The following MACROD2 variants were observed in gnomAD, a reference collection of about 807,000 sequenced individuals.
MACROD2 encodes the protein ADP-ribose glycohydrolase MACROD2.
Under a neutral mutation model 70.4 loss-of-function variants are expected in MACROD2, and 36 were observed. The ratio of observed to expected loss-of-function variants is 0.51; its 90% CI spans 0.39 to 0.68. The LOEUF (loss-of-function observed/expected upper bound fraction) is 0.68, where lower values mean the gene tolerates loss of function less well. MACROD2 is among the 30% of genes least tolerant of loss of function. The probability of loss-of-function intolerance (pLI) is 0.00; values close to 1 mark genes in which losing one functional copy is unlikely to be tolerated. For missense variants in MACROD2, 496 were observed against 538.4 expected (o/e 0.92, Z 0.78); for synonymous variants, 172 against 178.8 (o/e 0.96, Z 0.30).
intron 8 of MACROD2, among the ~76,000 whole-genome samples, chr20:15,641,419 A>G (rs899304061): frequency 6.6e-6 from 1 of 152,198 alleles, no homozygotes; most frequent in Admixed American, 6.5e-5. Flanking sequence ...AATTGGTAAA[A>G]GATTCATGCC....
At chr20:15,981,685 G>C (rs750960877) in intron 13 of MACROD2, among the ~76,000 whole-genome samples, 1 of 152,166 alleles carries the variant, frequency 6.6e-6, no homozygotes, top group Non-Finnish European at 1.5e-5. Flanking sequence ...CTGAAATACT[G>C]GTTCTGGAGA....
At chr20:15,221,619 C>T (rs2076862322) in intron 5 of MACROD2, among the ~76,000 whole-genome samples, 1 of 152,200 alleles carries the variant, frequency 6.6e-6, no homozygotes, top group African/African-American at 2.4e-5. Flanking sequence ...TCAACAAGGT[C>T]AGTCTCAAAT....
intron 7 of MACROD2, among the ~76,000 whole-genome samples, chr20:15,461,008 T>TATATATATA (rs1568825308): frequency 1.5e-5 from 1 of 67,646 alleles, no homozygotes; most frequent in African/African-American, 4.3e-5. Flanking sequence ...ATATATATAT[T>TATATATATA]TTTTTTTAAT....
intron 3 of MACROD2, among the ~76,000 whole-genome samples, chr20:14,297,835 A>G (rs1042288649): frequency 1.3e-5 from 2 of 151,942 alleles, no homozygotes; most frequent in Non-Finnish European, 2.9e-5. Context: ...GCTGCCATCT[A>G]GGACTTTCAT....
At chr20:15,883,486 A>G (rs1038538428) in intron 9 of MACROD2, among the ~76,000 whole-genome samples, 1 of 152,128 alleles carries the variant, frequency 6.6e-6, no homozygotes, top group African/African-American at 2.4e-5. Context: ...AAATATTTCC[A>G]TGGTAAAAAA....
At chr20:14,452,368 T>C (rs2084254764) in intron 3 of MACROD2, among the ~76,000 whole-genome samples, 1 of 152,134 alleles carries the variant, frequency 6.6e-6, no homozygotes, top group Non-Finnish European at 1.5e-5. Flanking sequence ...TGATAGTGTT[T>C]CTCATAGTTA....
At chr20:14,071,285 G>A (rs2053837658) in intron 2 of MACROD2, among the ~76,000 whole-genome samples, 1 of 91,424 alleles carries the variant, frequency 1.1e-5, no homozygotes, top group Non-Finnish European at 2.0e-5. Context: ...TTTTGAGATG[G>A]AGTCTTGCTC....
At chr20:14,407,122 A>AG (rs2083698736) in intron 3 of MACROD2, among the ~76,000 whole-genome samples, 1 of 151,170 alleles carries the variant, frequency 6.6e-6, no homozygotes, top group East Asian at 1.9e-4. Flanking sequence ...GTGGCAATGA[A>AG]AAAAAAAACA....
chr20:14,537,419 T>A (rs2085379625), intron 4 of MACROD2, among the ~76,000 whole-genome samples: 1 of 152,166 alleles, frequency 6.6e-6, no homozygotes, highest in African/African-American at 2.4e-5. Context: ...GACAGGGAAG[T>A]TGAGTATTTG....
chr20:14,862,018 T>G (rs927099264), intron 5 of MACROD2, among the ~76,000 whole-genome samples: 1 of 25,010 alleles, frequency 4.0e-5, no homozygotes, highest in African/African-American at 1.8e-4. Context: ...TATATATATA[T>G]TTATATATAT....
chr20:14,849,653 C>T (rs903697341), intron 5 of MACROD2, among the ~76,000 whole-genome samples: 2 of 152,020 alleles, frequency 1.3e-5, no homozygotes, highest in African/African-American at 2.4e-5. Context: ...TGGTGGAGGG[C>T]GCCTGTAATC....
chr20:15,956,938 T>C (rs2065985718), intron 12 of MACROD2, among the ~76,000 whole-genome samples: 1 of 152,244 alleles, frequency 6.6e-6, no homozygotes, highest in Non-Finnish European at 1.5e-5. Flanking sequence ...AATCTGCTGA[T>C]GTGGCCAGCC....
At chr20:14,946,783 T>C (rs181863673) in intron 5 of MACROD2, among the ~76,000 whole-genome samples, 1 of 152,326 alleles carries the variant, frequency 6.6e-6, no homozygotes, top group African/African-American at 2.4e-5. Context: ...TTCATAGATA[T>C]GCCTTTTTAA....
intron 15 of MACROD2, among the ~76,000 whole-genome samples, chr20:15,988,284 A>G (rs891073320): frequency 2.0e-5 from 3 of 151,768 alleles, no homozygotes; most frequent in Non-Finnish European, 4.4e-5. Flanking sequence ...TTCATGTCTA[A>G]TATTGATAAC....
chr20:14,401,085 G>C (rs913021283), intron 3 of MACROD2, among the ~76,000 whole-genome samples: 4 of 152,026 alleles, frequency 2.6e-5, no homozygotes, highest in African/African-American at 9.7e-5. Context: ...ACTAATTTTC[G>C]TGTTCTTCAA....
intron 12 of MACROD2, among the ~76,000 whole-genome samples, chr20:15,946,837 G>A (rs1223370478): frequency 2.0e-5 from 3 of 152,174 alleles, no homozygotes; most frequent in Non-Finnish European, 1.5e-5. Flanking sequence ...AGTTCCCTCA[G>A]TATTTATTAA....
chr20:15,896,455 T>C (rs960424427), intron 10 of MACROD2, among the ~76,000 whole-genome samples: 1 of 152,166 alleles, frequency 6.6e-6, no homozygotes, highest in Non-Finnish European at 1.5e-5. Flanking sequence ...AATTTTCTCA[T>C]TCTACAGAAT....
At chr20:14,264,437 T>C (rs1025803835) in intron 3 of MACROD2, among the ~76,000 whole-genome samples, 1 of 152,148 alleles carries the variant, frequency 6.6e-6, no homozygotes, top group Non-Finnish European at 1.5e-5. Context: ...TACTAGGTAA[T>C]TGAGAGCTAT....
chr20:14,838,559 G>A (rs1600713733), intron 5 of MACROD2, among the ~76,000 whole-genome samples: 1 of 152,076 alleles, frequency 6.6e-6, no homozygotes, highest in African/African-American at 2.4e-5. Context: ...ATAGAATATT[G>A]TTTGCTGTGT....
Sources: gnomAD v4.1 joint callset for allele counts (sites outside exome capture counted in the v4.1 genomes callset) on GRCh38, gnomAD v4.1.1 for gene constraint, MANE v1.5 for transcripts, NCBI Gene and HGNC (gene_info 2026-07-23, HGNC 2026-07-21) for gene names.